CREBBP: variants seen among roughly 807,000 people sequenced by gnomAD.
CREBBP encodes the protein CREB binding lysine acetyltransferase, also known as CREB-binding protein.
Under a neutral mutation model 265.0 loss-of-function variants are expected in CREBBP, and 19 were observed. That is an observed-to-expected ratio of 0.07 (90% CI 0.05 to 0.11). The LOEUF (loss-of-function observed/expected upper bound fraction) is 0.11, where lower values mean the gene tolerates loss of function less well. CREBBP is among the 10% of genes least tolerant of loss of function. The pLI is 1.00. For synonymous variants in CREBBP, 1,457 were observed against 1,223.7 expected, an observed-to-expected ratio of 1.19 and a Z score of -3.98; for missense variants, 2,525 against 3,219.0, an observed-to-expected ratio of 0.78 and a Z score of 5.22.
intron 1 of CREBBP, among the ~76,000 whole-genome samples, chr16:3,878,288 G>T (rs959371031): frequency 6.6e-6 from 1 of 152,080 alleles, no homozygotes; most frequent in Non-Finnish European, 1.5e-5. Context: ...GCAGTACAAC[G>T]GCATTTAAAC....
intron 16 of CREBBP, among the ~76,000 whole-genome samples, chr16:3,763,842 ATCT>A (rs917759542): frequency 4.8e-5 from 7 of 146,448 alleles, no homozygotes; most frequent in African/African-American, 1.8e-4. Flanking sequence ...GAAAAAAGCA[ATCT>A]TTTTTTTTTT....
chr16:3,787,719 G>C (rs2053419615), intron 5 of CREBBP, among the ~76,000 whole-genome samples: 2 of 152,088 alleles, frequency 1.3e-5, no homozygotes, highest in African/African-American at 4.8e-5. Context: ...GAGTGCAGTG[G>C]TGCGATCTTG....
At chr16:3,834,882 G>A (rs1034684223) in intron 2 of CREBBP, among the ~76,000 whole-genome samples, 31 of 152,202 alleles carry the variant, frequency 2.0e-4, no homozygotes, top group Non-Finnish European at 2.1e-4. Flanking sequence ...TCTTGGGCCA[G>A]GCGCAGTGGC....
chr16:3,731,181 G>A lies in CREBBP; in HGVS notation c.5172+11C>T, dbSNP rs759034185. 1.9e-6 allele frequency: 3 copies of A among 1,607,066 alleles called. No homozygotes were observed. The highest frequency in any genetic ancestry group is 1.3e-5 in the African/African-American group (1 of 74,806). On this transcript the variant is annotated intron_variant, in intron 30 of 30. Coordinates refer to ENST00000262367, the MANE Select transcript of CREBBP (RefSeq NM_004380.3). The surrounding 1 kb of genome is among the most constrained non-coding windows in gnomAD (Gnocchi z 7.7). The stretch of plus-strand genomic sequence containing the variant: ...GCCGGCTGTGGGGGTGGGGGTGGGG[G>A]CAGGGCCTACCTCGCACACAGTGCA...
At chr16:3,794,331 CAAAAAAAAAAAAAAA>C (rs746656673) in intron 3 of CREBBP, among the ~76,000 whole-genome samples, 33 of 39,616 alleles carry the variant, frequency 8.3e-4, no homozygotes, top group South Asian at 8.2e-3. Flanking sequence ...GACTCCGTCT[CAAAAAAAAAAAAAAA>C]AAAAAAAAAA....
At chr16:3,857,288 C>T (rs1597066754) in intron 1 of CREBBP, among the ~76,000 whole-genome samples, 1 of 151,956 alleles carries the variant, frequency 6.6e-6, no homozygotes, top group African/African-American at 2.4e-5. Flanking sequence ...AATACATATA[C>T]CAGCTGTTTG....
chr16:3,800,702 T>C (rs538329228), intron 3 of CREBBP, among the ~76,000 whole-genome samples: 5 of 151,956 alleles, frequency 3.3e-5, no homozygotes, highest in Admixed American at 6.6e-5. Context: ...CTGGGCAACA[T>C]AGCAAGACCC....
rs1159082960 is a variant in CREBBP at position 3,782,796 on chromosome 16, A to G, written c.1461T>C (p.Ala487=). The G allele has an allele frequency of 1.2e-6, 2 of 1,614,006 alleles. No homozygotes were observed. The highest frequency in any genetic ancestry group is 2.2e-5 in the East Asian group (1 of 44,898). Residue 487 remains alanine (A), a synonymous_variant, in exon 6 of 31, where the codon GCT becomes GCC. Transcript: ENST00000262367. ...GCTGGTTCATGTAGGGGAGTCCGAG[A>G]GCAGCATAGGCTCGCTGCATGGAGC... ...DPSSMQRAYA[A]LGLPYMNQPQ...
intron 2 of CREBBP, among the ~76,000 whole-genome samples, chr16:3,818,902 G>A (rs1326935759): frequency 6.6e-6 from 1 of 152,200 alleles, no homozygotes; most frequent in East Asian, 1.9e-4. Context: ...GAAAGGGCAG[G>A]GACACACTAA....
At chr16:3,788,988 G>T (rs1247131443) in intron 5 of CREBBP, among the ~76,000 whole-genome samples, 1 of 152,120 alleles carries the variant, frequency 6.6e-6, no homozygotes, top group African/African-American at 2.4e-5. Flanking sequence ...CTCAACACAG[G>T]CCAAAAAGGT....
At chr16:3,747,638 C>T (rs2052373005) in intron 21 of CREBBP, among the ~76,000 whole-genome samples, 1 of 152,220 alleles carries the variant, frequency 6.6e-6, no homozygotes, top group Non-Finnish European at 1.5e-5. Flanking sequence ...GCACCTACTA[C>T]TTGAATGTAA....
rs74398393 is a variant in CREBBP at position 3,776,579 on chromosome 16, A to G, written c.2158+1034T>C. 8.5e-5 allele frequency among the ~76,000 whole-genome samples: 13 copies of G among 152,184 alleles called. No homozygotes were observed. The East Asian group carries it at 2.5e-3, about 29-fold the overall frequency. On this transcript the variant is annotated intron_variant, in intron 11 of 30. Transcript: ENST00000262367. The stretch of plus-strand genomic sequence containing the variant: ...GTGCCGTCCCCATTTCAGCCTCTGC[A>G]AGTGCTCAGCAGTCTAGGACTGTCT...
At position 3,727,744 on chromosome 16, in the gene CREBBP, G is replaced by C. The variant is rs2151297930; in HGVS notation, c.7303C>G (p.Leu2435Val). 6.2e-7 allele frequency: 1 copy of C among 1,614,108 alleles called. No individual in the cohort carries two copies. Among genetic ancestry groups the C allele is most frequent in the Non-Finnish European group, 8.5e-7 (1 of 1,180,016 alleles). Residue 2435 changes from leucine to valine, a missense_variant, in exon 31 of 31, where the codon CTA (leucine) becomes GTA (valine). By Grantham distance (32) the Leu-to-Val change is conservative. This residue lies in a region of CREBBP where 473 missense variants were observed against 459.3 expected (regional missense o/e 1.03). Coordinates refer to ENST00000262367, the MANE Select transcript of CREBBP (RefSeq NM_004380.3). ...SLVGDTTGDT[L>V]EKFVEGL ...TACAAGCCCTCCACAAACTTCTCTAGCGTGTCCCCCGTGGTGTCCCCGACC... is the reference window on the plus strand; with the variant it reads ...TACAAGCCCTCCACAAACTTCTCTACCGTGTCCCCCGTGGTGTCCCCGACC...
chr16:3,870,319 T>C (rs1475156896), intron 1 of CREBBP, among the ~76,000 whole-genome samples: 1 of 152,220 alleles, frequency 6.6e-6, no homozygotes, highest in African/African-American at 2.4e-5. Context: ...GTTTCACTGG[T>C]ATTCCTTTCA....
chr16:3,745,638 C>A, intron 21 of CREBBP: 3 of 475,808 alleles, frequency 6.3e-6, no homozygotes, highest in African/African-American at 1.9e-5. Context: ...AAAATTGCTG[C>A]GACAAATACA....
chr16:3,823,507 T>C (rs1567340803), intron 2 of CREBBP, among the ~76,000 whole-genome samples: 1 of 152,146 alleles, frequency 6.6e-6, no homozygotes, highest in Non-Finnish European at 1.5e-5. Flanking sequence ...CACCACTCTC[T>C]GCAGGGAGGG....
intron 2 of CREBBP, among the ~76,000 whole-genome samples, chr16:3,830,191 G>C (rs2054315551): frequency 6.6e-6 from 1 of 152,098 alleles, no homozygotes; most frequent in African/African-American, 2.4e-5. Context: ...GAGCTCAGGA[G>C]TTTGAGACCA....
chr16:3,817,577 G>A (rs1223552334), intron 2 of CREBBP, among the ~76,000 whole-genome samples: 1 of 152,156 alleles, frequency 6.6e-6, no homozygotes. Flanking sequence ...AGAGAGAAAA[G>A]TCAAGTCAAG....
At chr16:3,826,665 C>T (rs1445192492) in intron 2 of CREBBP, among the ~76,000 whole-genome samples, 3 of 152,140 alleles carry the variant, frequency 2.0e-5, no homozygotes, top group East Asian at 1.9e-4. Context: ...ACACCTGACT[C>T]GTTCTCCTCA....
Sources: allele counts gnomAD v4.1 joint callset (sites outside exome capture counted in the v4.1 genomes callset), GRCh38; gene constraint gnomAD v4.1.1; regional missense constraint gnomAD v4.1.1; non-coding constraint Gnocchi (gnomAD v3.1); transcripts MANE v1.5; gene names NCBI Gene and HGNC (gene_info 2026-07-23, HGNC 2026-07-21).